Variants in SIPA1L2 observed in about 807,000 individuals in gnomAD.
The protein encoded by SIPA1L2 is signal induced proliferation associated 1 like 2.
In SIPA1L2, 56 loss-of-function variants were observed where a neutral mutation model predicts 163.9. The ratio of observed to expected loss-of-function variants is 0.34; its 90% CI spans 0.28 to 0.43. The LOEUF (loss-of-function observed/expected upper bound fraction) is 0.43. Among genes scored for constraint, SIPA1L2 ranks in the 20% least tolerant of loss-of-function variants. The probability of loss-of-function intolerance (pLI) is 1.00; values close to 1 mark genes in which losing one functional copy is unlikely to be tolerated. For synonymous variants in SIPA1L2, 877 were observed against 865.7 expected (o/e 1.01, Z -0.23); for missense variants, 1,974 against 2,193.5 (o/e 0.90, Z 2.00).
At chr1:232,495,053 G>A (rs1033948095) in intron 3 of SIPA1L2, among the ~76,000 whole-genome samples, 1 of 152,178 alleles carries the variant, frequency 6.6e-6, no homozygotes, top group African/African-American at 2.4e-5. Context: ...AATAAGAAAC[G>A]TTGCTGAGAA....
At chr1:232,510,171 A>T (rs2103035533) in intron 3 of SIPA1L2, among the ~76,000 whole-genome samples, 1 of 152,270 alleles carries the variant, frequency 6.6e-6, no homozygotes, top group East Asian at 1.9e-4. Flanking sequence ...AGTGCAGATG[A>T]ATAAGGGGAA....
At chr1:232,592,231 C>T (rs779943925) in intron 1 of SIPA1L2, among the ~76,000 whole-genome samples, 11 of 152,192 alleles carry the variant, frequency 7.2e-5, no homozygotes, top group Non-Finnish European at 1.6e-4. Flanking sequence ...CATTTGCAGA[C>T]ACTTACCGTC....
intron 5 of SIPA1L2, among the ~76,000 whole-genome samples, chr1:232,488,043 T>A (rs1334187210): frequency 6.6e-6 from 1 of 152,000 alleles, no homozygotes; most frequent in Non-Finnish European, 1.5e-5. Flanking sequence ...AACCTCTGCC[T>A]CCCGGTTCAA....
chr1:232,591,852 C>G (rs1163849455), intron 1 of SIPA1L2, among the ~76,000 whole-genome samples: 1 of 152,180 alleles, frequency 6.6e-6, no homozygotes, highest in Non-Finnish European at 1.5e-5. Context: ...TTGTTCCTCA[C>G]TTCTTATGTT....
At chr1:232,439,648 A>C (rs1323714079) in intron 14 of SIPA1L2, 152 bp from the exon 15 acceptor site, 2 of 849,684 alleles carry the variant, frequency 2.4e-6, no homozygotes, top group Non-Finnish European at 3.6e-6. Flanking sequence ...CCTTTTTCAA[A>C]AACAACCTGG....
chr1:232,480,939 G>T (rs1429440926), intron 6 of SIPA1L2, among the ~76,000 whole-genome samples: 1 of 151,978 alleles, frequency 6.6e-6, no homozygotes, highest in Non-Finnish European at 1.5e-5. Flanking sequence ...TTCAGAAACA[G>T]ACCTGAAAAC....
At chr1:232,591,808 C>T (rs1256839132) in intron 1 of SIPA1L2, among the ~76,000 whole-genome samples, 3 of 152,212 alleles carry the variant, frequency 2.0e-5, no homozygotes, top group Non-Finnish European at 2.9e-5. Context: ...TGCTCTACTT[C>T]AAAATCCAGT....
In SIPA1L2 at chr1:232,415,606, A is replaced by G. The variant is rs759784627; in HGVS notation, c.4650T>C (p.Asp1550=). The change falls in exon 19 of 23, where the codon GAT becomes GAC. Residue 1550 remains aspartate, a synonymous_variant. Coordinates refer to ENST00000674635, the MANE Select transcript of SIPA1L2 (RefSeq NM_020808.5). ...GSLRNEFWFS[D]GSLSDKSKCA... is the part of the protein sequence containing the mutation. ...ACTTGGACTTATCTGATAAGGACCC[A>G]TCGGAGAACCAGAACTCATCTAAAC... The G allele has an allele frequency of 1.9e-6, 3 of 1,614,008 alleles. No individual in the cohort carries two copies. Among genetic ancestry groups the G allele is most frequent in the Non-Finnish European group, 1.7e-6 (2 of 1,180,006 alleles).
chr1:232,454,450 G>A (rs376578783), intron 10 of SIPA1L2, among the ~76,000 whole-genome samples: 208 of 152,308 alleles, frequency 1.4e-3, no homozygotes, highest in Non-Finnish European at 2.1e-3. Flanking sequence ...AGCTCAGCAC[G>A]TTCTTGTCAA....
intron 2 of SIPA1L2, among the ~76,000 whole-genome samples, chr1:232,531,492 T>C (rs1382816595): frequency 2.6e-5 from 4 of 152,108 alleles, no homozygotes; most frequent in Non-Finnish European, 5.9e-5. Flanking sequence ...GTAAAGGAGG[T>C]TTTATTTTTT....
chr1:232,479,778 T>C (rs759611983), intron 6 of SIPA1L2, 48 bp from the exon 7 acceptor site: 21 of 1,513,226 alleles, frequency 1.4e-5, no homozygotes, highest in Non-Finnish European at 1.9e-5. Context: ...GCTACAAAAT[T>C]AGTGCTTCGA....
chr1:232,593,999 C>A (rs990771934), intron 1 of SIPA1L2, among the ~76,000 whole-genome samples: 1 of 152,098 alleles, frequency 6.6e-6, no homozygotes, highest in Non-Finnish European at 1.5e-5. Flanking sequence ...CCTGCCCAAG[C>A]GGTGGGACCT....
intron 3 of SIPA1L2, among the ~76,000 whole-genome samples, chr1:232,510,231 AATAT>A (rs10678164): frequency 2.0e-5 from 3 of 149,114 alleles, no homozygotes; most frequent in Non-Finnish European, 4.5e-5. Context: ...TCAATATGAA[AATAT>A]ATATATATAT....
chr1:232,450,578 C>T (rs1201351418), intron 10 of SIPA1L2, among the ~76,000 whole-genome samples: 1 of 152,192 alleles, frequency 6.6e-6, no homozygotes, highest in East Asian at 1.9e-4. Context: ...TAACTGACTA[C>T]CATTGAAGTT....
chr1:232,493,723 A>C (rs1666043535), intron 3 of SIPA1L2, 63 bp from the exon 4 acceptor site: 1 of 1,590,338 alleles, frequency 6.3e-7, no homozygotes, highest in South Asian at 1.1e-5. Context: ...CAGGATGGAT[A>C]TCTCTCAGTT....
chr1:232,401,035 A>AT (rs1660306312), intron 22 of SIPA1L2, among the ~76,000 whole-genome samples: 1 of 152,142 alleles, frequency 6.6e-6, no homozygotes, highest in African/African-American at 2.4e-5. Flanking sequence ...CAGCAGTGAC[A>AT]TTATTTCTCT....
intron 19 of SIPA1L2, among the ~76,000 whole-genome samples, chr1:232,408,962 C>T (rs1416190754): frequency 3.3e-5 from 5 of 152,116 alleles, no homozygotes; most frequent in Non-Finnish European, 7.4e-5. Flanking sequence ...CTTACTTTTA[C>T]TTTTTCTAAA....
At chr1:232,419,117 G>C (rs1404877842) in intron 18 of SIPA1L2, among the ~76,000 whole-genome samples, 1 of 152,230 alleles carries the variant, frequency 6.6e-6, no homozygotes, top group Non-Finnish European at 1.5e-5. Flanking sequence ...CCTGTCCAAG[G>C]AGGGGACACT....
At chr1:232,399,314 G>A (rs1394189585) in intron 22 of SIPA1L2, 41 bp from the exon 23 acceptor site, 2 of 1,592,690 alleles carry the variant, frequency 1.3e-6, no homozygotes, top group Non-Finnish European at 8.6e-7. Context: ...GAGACTGATC[G>A]ATACATTCAT....
Sources: gnomAD v4.1 joint callset for allele counts (sites outside exome capture counted in the v4.1 genomes callset) on GRCh38, gnomAD v4.1.1 for gene constraint, MANE v1.5 for transcripts, NCBI Gene and HGNC (gene_info 2026-07-23, HGNC 2026-07-21) for gene names.